Variants in HLCS observed in about 807,000 individuals in gnomAD.
HLCS encodes the protein biotin--protein ligase.
Under a neutral mutation model 75.0 loss-of-function variants are expected in HLCS, and 53 were observed. The observed-to-expected ratio is 0.71, with a 90% CI of 0.57 to 0.89. The LOEUF is 0.89. HLCS is among the 40% of genes least tolerant of loss of function. HLCS has a pLI of 0.00. For missense variants in HLCS, 966 were observed against 1,074.0 expected (o/e 0.90, Z 1.41); for synonymous variants, 431 against 428.6 (o/e 1.01, Z -0.07).
intron 6 of HLCS, among the ~76,000 whole-genome samples, chr21:36,831,816 A>AT (rs1426854436): frequency 6.6e-6 from 1 of 152,158 alleles, no homozygotes; most frequent in Non-Finnish European, 1.5e-5. Context: ...TATATTTAAA[A>AT]TTTTTTTTAA....
intron 6 of HLCS, among the ~76,000 whole-genome samples, chr21:36,784,562 C>A (rs187800814): frequency 4.1e-4 from 63 of 152,182 alleles, no homozygotes; most frequent in African/African-American, 1.4e-3. Context: ...GTGATCCACC[C>A]ACCTCAGCTT....
At chr21:36,871,099 C>T (rs2835516) in intron 6 of HLCS, among the ~76,000 whole-genome samples, 49,263 of 152,034 alleles carry the variant, frequency 0.32, 8,304 homozygotes, top group Middle Eastern at 0.46. Context: ...CAGGGAGCCT[C>T]GTATTCCGCA....
At chr21:36,980,196 T>TTAA (rs1555979273) in intron 1 of HLCS, among the ~76,000 whole-genome samples, 4 of 139,714 alleles carry the variant, frequency 2.9e-5, no homozygotes, top group East Asian at 2.1e-4. Flanking sequence ...TGACTATATT[T>TTAA]AAAAAAAAAA....
intron 6 of HLCS, among the ~76,000 whole-genome samples, chr21:36,802,733 G>C (rs928936219): frequency 1.3e-5 from 2 of 152,162 alleles, no homozygotes. Context: ...ATTTATGACA[G>C]AAGTAGGGTT....
intron 6 of HLCS, among the ~76,000 whole-genome samples, chr21:36,809,227 T>A (rs577245113): frequency 0.012 from 1,871 of 150,214 alleles, 32 homozygotes; most frequent in African/African-American, 0.042. Flanking sequence ...AAAAAAAAAA[T>A]TCTGGGTTAG....
intron 5 of HLCS, among the ~76,000 whole-genome samples, chr21:36,905,182 G>A (rs981728457): frequency 2.0e-5 from 3 of 152,158 alleles, no homozygotes; most frequent in African/African-American, 7.2e-5. Flanking sequence ...ATATGTTCCT[G>A]TTTTGCTCCC....
At chr21:36,768,131 G>A (rs934883125) in intron 6 of HLCS, among the ~76,000 whole-genome samples, 4 of 152,216 alleles carry the variant, frequency 2.6e-5, no homozygotes, top group African/African-American at 4.8e-5. Flanking sequence ...CTGCGCAGGC[G>A]CGGTTCGAGG....
intron 6 of HLCS, among the ~76,000 whole-genome samples, chr21:36,846,875 G>T (rs953493847): frequency 2.6e-5 from 4 of 152,118 alleles, no homozygotes; most frequent in Admixed American, 2.6e-4. Flanking sequence ...GTCTTGGCTC[G>T]ATTGGTCCAA....
At chr21:36,783,777 G>C (rs1012642151) in intron 6 of HLCS, among the ~76,000 whole-genome samples, 1 of 151,580 alleles carries the variant, frequency 6.6e-6, no homozygotes, top group Non-Finnish European at 1.5e-5. Flanking sequence ...CTGGTGTCTC[G>C]CACACACACA....
chr21:36,930,180 A>G, intron 5 of HLCS, 71 bp downstream of exon 5: 1 of 1,340,666 alleles, frequency 7.5e-7, no homozygotes, highest in Non-Finnish European at 1.1e-6. Flanking sequence ...TAAAACAATT[A>G]AAGCAACGGG....
intron 1 of HLCS, among the ~76,000 whole-genome samples, chr21:36,963,578 C>A (rs1340935567): frequency 6.6e-6 from 1 of 151,812 alleles, no homozygotes; most frequent in African/African-American, 2.4e-5. Context: ...CATGAAGAAA[C>A]CCTGTCTCTA....
intron 6 of HLCS, among the ~76,000 whole-genome samples, chr21:36,807,330 C>T (rs938122543): frequency 1.3e-5 from 2 of 152,054 alleles, no homozygotes; most frequent in Non-Finnish European, 2.9e-5. Context: ...ATAGAAGCTA[C>T]GGAGGGAGGC....
At position 36,767,304 on chromosome 21, in the gene HLCS, G is replaced by C. The variant is rs1202980163; in HGVS notation, c.1893-19C>G. The C allele has an allele frequency of 1.2e-6, 2 of 1,613,622 alleles. No homozygotes were observed. Among genetic ancestry groups the C allele is most frequent in the Admixed American group, 3.3e-5 (2 of 60,018 alleles). ...CATCAGCCTGCCGAAGAGGGGGAAA[G>C]ACCGGTTAGGCCAGACATGGACACG... On this transcript the variant is annotated intron_variant, in intron 6 of 10. Coordinates refer to ENST00000674895, the MANE Select transcript of HLCS (RefSeq NM_001352514.2).
intron 5 of HLCS, among the ~76,000 whole-genome samples, chr21:36,926,614 A>G (rs1454859780): frequency 2.0e-5 from 3 of 152,164 alleles, no homozygotes; most frequent in Non-Finnish European, 4.4e-5. Flanking sequence ...TTGGCTTATT[A>G]TATATATAAT....
intron 6 of HLCS, among the ~76,000 whole-genome samples, chr21:36,888,490 A>ATT (rs1569150154): frequency 3.0e-4 from 23 of 77,444 alleles, no homozygotes; most frequent in African/African-American, 5.1e-4. Context: ...ATATATATAT[A>ATT]TATATATTTA....
At chr21:36,955,169 T>A (rs1231984352) in intron 2 of HLCS, among the ~76,000 whole-genome samples, 1 of 152,234 alleles carries the variant, frequency 6.6e-6, no homozygotes, top group Non-Finnish European at 1.5e-5. Flanking sequence ...CCATGCACGT[T>A]ACTGCCCGTG....
chr21:36,987,027 A>G (rs1039178036), intron 1 of HLCS, among the ~76,000 whole-genome samples: 8 of 152,234 alleles, frequency 5.3e-5, no homozygotes, highest in Non-Finnish European at 8.8e-5. Flanking sequence ...TGATATTCAA[A>G]TTGTTCCAGG....
intron 4 of HLCS, among the ~76,000 whole-genome samples, chr21:36,935,349 G>C (rs1455237254): frequency 1.3e-5 from 2 of 152,142 alleles, no homozygotes; most frequent in Non-Finnish European, 2.9e-5. Context: ...ATCTCTGCTT[G>C]AGTATTATCT....
intron 6 of HLCS, among the ~76,000 whole-genome samples, chr21:36,827,463 A>G (rs1039238912): frequency 6.6e-6 from 1 of 151,278 alleles, no homozygotes; most frequent in Non-Finnish European, 1.5e-5. Flanking sequence ...AATCCCAGCT[A>G]CTCGGGAGGC....
Sources: gnomAD v4.1 joint callset for allele counts (sites outside exome capture counted in the v4.1 genomes callset) on GRCh38, gnomAD v4.1.1 for gene constraint, MANE v1.5 for transcripts, NCBI Gene and HGNC (gene_info 2026-07-23, HGNC 2026-07-21) for gene names.